The following SLC60A1 variants were observed in gnomAD, a reference collection of about 807,000 sequenced individuals.
SLC60A1 encodes the protein major facilitator superfamily domain containing 4.
At chr1:205,591,757 C>T in the SLC60A1 span, among the ~76,000 whole-genome samples, 10 of 152,190 alleles carry the variant, frequency 6.6e-5, no homozygotes, top group African/African-American at 2.4e-4. Flanking sequence ...AGAGACTCTC[C>T]TACCCCCAGG....
the SLC60A1 span, among the ~76,000 whole-genome samples, chr1:205,571,974 A>T: frequency 6.6e-6 from 1 of 152,050 alleles, no homozygotes; most frequent in African/African-American, 2.4e-5. Context: ...GTGGGTTCCT[A>T]CTCAGGTCCT....
the SLC60A1 span, chr1:205,569,115 C>CA: frequency 6.6e-7 from 1 of 1,524,162 alleles, no homozygotes; most frequent in Admixed American, 2.1e-5. Flanking sequence ...CCGCAACCTG[C>CA]AGCCCACGCT....
chr1:205,593,015 T>C, the SLC60A1 span, among the ~76,000 whole-genome samples: 14 of 152,176 alleles, frequency 9.2e-5, no homozygotes, highest in Non-Finnish European at 1.8e-4. Flanking sequence ...CACAGCCTCT[T>C]TGATGTCAGA....
the SLC60A1 span, among the ~76,000 whole-genome samples, chr1:205,584,653 C>A: frequency 6.6e-6 from 1 of 151,832 alleles, no homozygotes; most frequent in Non-Finnish European, 1.5e-5. Flanking sequence ...CTCAGCCTTG[C>A]CTTTTGTTAC....
the SLC60A1 span, among the ~76,000 whole-genome samples, chr1:205,583,620 TGAA>T: frequency 6.6e-6 from 1 of 152,186 alleles, no homozygotes; most frequent in Non-Finnish European, 1.5e-5. Context: ...CCCACCAGCA[TGAA>T]GGAGTGTGAG....
At chr1:205,600,313 A>C in the SLC60A1 span, 27 of 1,350,248 alleles carry the variant, frequency 2.0e-5, no homozygotes, top group Non-Finnish European at 2.8e-5. Context: ...ATGGCAGAGA[A>C]ACAAACAGCC....
the SLC60A1 span, chr1:205,583,852 C>T: frequency 7.2e-7 from 1 of 1,390,738 alleles, no homozygotes; most frequent in Non-Finnish European, 9.6e-7. Flanking sequence ...TAGAAAAGAG[C>T]TGTCTTCTCC....
the SLC60A1 span, among the ~76,000 whole-genome samples, chr1:205,591,047 C>CA: frequency 6.6e-6 from 1 of 152,188 alleles, no homozygotes; most frequent in African/African-American, 2.4e-5. Flanking sequence ...CTTCTGACCC[C>CA]AAATCTTGTG....
chr1:205,600,522 G>A, the SLC60A1 span: 1 of 1,560,664 alleles, frequency 6.4e-7, no homozygotes, highest in South Asian at 1.1e-5. Flanking sequence ...CGACCATACT[G>A]TTTCAGAAAG....
chr1:205,573,760 G>T, the SLC60A1 span, among the ~76,000 whole-genome samples: 1 of 152,024 alleles, frequency 6.6e-6, no homozygotes, highest in African/African-American at 2.4e-5. Flanking sequence ...GAGGTGGTAC[G>T]ATCTCATCTC....
the SLC60A1 span, chr1:205,586,281 G>A: frequency 1.3e-6 from 2 of 1,563,900 alleles, no homozygotes; most frequent in Non-Finnish European, 1.7e-6. Flanking sequence ...CCTACCCCAG[G>A]ACGTTTGCCC....
At chr1:205,578,967 G>T in the SLC60A1 span, among the ~76,000 whole-genome samples, 485 of 152,256 alleles carry the variant, frequency 3.2e-3, 1 homozygote, top group African/African-American at 0.011. Context: ...AAAAGACCTT[G>T]ACAGAGCCTT....
At chr1:205,585,132 T>C in the SLC60A1 span, 1 of 669,686 alleles carries the variant, frequency 1.5e-6, no homozygotes. This position sits in a 1 kb window ranked among gnomAD's most constrained non-coding sequence, Gnocchi z 4.2. Flanking sequence ...AAATTTAATC[T>C]GAAGTCCTAG....
chr1:205,580,629 A>T, the SLC60A1 span: 9 of 639,782 alleles, frequency 1.4e-5, no homozygotes, highest in South Asian at 1.1e-4. The surrounding 1 kb of genome is among the most constrained non-coding windows in gnomAD (Gnocchi z 5.0). Context: ...ACTGACCCCC[A>T]CCCCCACCCG....
the SLC60A1 span, chr1:205,580,073 A>G: frequency 5.7e-6 from 6 of 1,059,818 alleles, no homozygotes; most frequent in Non-Finnish European, 8.0e-6. This position sits in a 1 kb window ranked among gnomAD's most constrained non-coding sequence, Gnocchi z 5.0. Context: ...AGTAAGTTCT[A>G]GACTCGGTTT....
At chr1:205,577,594 C>A in the SLC60A1 span, among the ~76,000 whole-genome samples, 1 of 152,330 alleles carries the variant, frequency 6.6e-6, no homozygotes, top group South Asian at 2.1e-4. This position sits in a 1 kb window ranked among gnomAD's most constrained non-coding sequence, Gnocchi z 5.2. Context: ...CAACGCTCTG[C>A]AGAATCTGGC....
At chr1:205,597,897 C>A in the SLC60A1 span, 1 of 1,578,726 alleles carries the variant, frequency 6.3e-7, no homozygotes, top group South Asian at 1.1e-5. Context: ...GGGAGCACTC[C>A]TCTGACAGGT....
the SLC60A1 span, among the ~76,000 whole-genome samples, chr1:205,582,977 G>A: frequency 0.31 from 46,684 of 152,048 alleles, 7,886 homozygotes; most frequent in African/African-American, 0.41. Flanking sequence ...TGCCTCTCCC[G>A]TGGGCCAGGA....
chr1:205,572,030 G>C, the SLC60A1 span, among the ~76,000 whole-genome samples: 1 of 152,194 alleles, frequency 6.6e-6, no homozygotes. Flanking sequence ...AATGGGGCTT[G>C]TGGATGCCTC....
Sources: gnomAD v4.1 joint callset for allele counts (sites outside exome capture counted in the v4.1 genomes callset) on GRCh38, gnomAD v4.1.1 for gene constraint, Gnocchi (gnomAD v3.1) non-coding constraint, MANE v1.5 for transcripts, NCBI Gene and HGNC (gene_info 2026-07-23, HGNC 2026-07-21) for gene names.